Variants in ESYT3 observed in about 807,000 individuals in gnomAD.
ESYT3 encodes the protein extended synaptotagmin-3.
A neutral mutation model predicts 111.5 loss-of-function variants in ESYT3; 101 were observed. The ratio of observed to expected loss-of-function variants is 0.91; its 90% confidence interval spans 0.77 to 1.07. The LOEUF (loss-of-function observed/expected upper bound fraction) is 1.07. Among genes scored for constraint, ESYT3 ranks in the 50% least tolerant of loss-of-function variants. The pLI, the probability that ESYT3 is intolerant of heterozygous loss-of-function variation, is 0.00. For synonymous variants in ESYT3, 416 were observed against 446.8 expected, an observed-to-expected ratio of 0.93 and a Z score of 0.87; for missense variants, 1,097 against 1,109.4, an observed-to-expected ratio of 0.99 and a Z score of 0.16.
At chr3:138,453,892 G>T (rs1056700652) in intron 2 of ESYT3, among the ~76,000 whole-genome samples, 2 of 152,156 alleles carry the variant, frequency 1.3e-5, no homozygotes, top group African/African-American at 4.8e-5. Flanking sequence ...TTGCTTTGTT[G>T]CCCAAGCTGG....
chr3:138,472,540 G>T lies in ESYT3; in HGVS notation c.1918G>T (p.Val640Leu), dbSNP rs199942859. Residue 640 changes from valine (V) to leucine (L), a missense_variant, in exon 18 of 23, where the codon GTA becomes TTA. Coordinates refer to ENST00000389567, the MANE Select transcript of ESYT3 (RefSeq NM_031913.5). ...PPDPASDTKD[V>L]SRSTTTTTSA... The stretch of plus-strand genomic sequence containing the variant: ...AGACCCTGCTTCTGATACTAAGGAC[G>T]TATCCAGGAGTACCACAACCACCAC... 2.5e-6 allele frequency: 4 copies of T among 1,614,210 alleles called. No individual in the cohort carries two copies. Among genetic ancestry groups the T allele is most frequent in the Non-Finnish European group, 3.4e-6 (4 of 1,180,034 alleles).
At chr3:138,473,022 A>G in intron 18 of ESYT3, 163 bp downstream of exon 18, 4 of 1,466,290 alleles carry the variant, frequency 2.7e-6, no homozygotes, top group Non-Finnish European at 3.6e-6. Flanking sequence ...AGGACAAGGG[A>G]GAGAGAGCCA....
At position 138,472,748 on chromosome 3, in the gene ESYT3, G is replaced by T. The variant is rs773993312; in HGVS notation, c.2126G>T (p.Cys709Phe). 6 of 1,614,160 alleles carry T rather than the reference G, an allele frequency of 3.7e-6. No homozygotes were observed. Among genetic ancestry groups the T allele is most frequent in the East Asian group, 2.2e-5 (1 of 44,892 alleles). The stretch of plus-strand genomic sequence containing the variant: ...ATCAAGTCACCCAGACCCATGAAAT[G>T]CCCTGCCTCCCCATTCGCATGGCCG... ...GPIKSPRPMK[C>F]PASPFAWPPK... The change falls in exon 18 of 23, where the codon TGC becomes TTC. Residue 709 changes from cysteine to phenylalanine, a missense_variant. By Grantham distance (205) the Cys-to-Phe change is radical (BLOSUM62 -2). Coordinates refer to ENST00000389567, the MANE Select transcript of ESYT3 (RefSeq NM_031913.5).
intron 1 of ESYT3, among the ~76,000 whole-genome samples, chr3:138,437,414 G>A (rs1301255699): frequency 6.6e-6 from 1 of 152,220 alleles, no homozygotes; most frequent in African/African-American, 2.4e-5. Flanking sequence ...GGAGGACCAG[G>A]GCCTGGATAA....
intron 1 of ESYT3, among the ~76,000 whole-genome samples, chr3:138,450,933 A>T (rs2031882796): frequency 6.6e-6 from 1 of 152,012 alleles, no homozygotes; most frequent in Non-Finnish European, 1.5e-5. Flanking sequence ...AGCCAGCCTC[A>T]TGTTCAGGGG....
chr3:138,472,438 A>C lies in ESYT3; in HGVS notation c.1816A>C (p.Ile606Leu), dbSNP rs760315804. Residue 606 changes from isoleucine to leucine, a missense_variant, in exon 18 of 23, where the codon ATC becomes CTC. Transcript: ENST00000389567. ...AGCCCTAAAGAAAGGCCCTCTGCTC[A>C]TCAAGAAAGTGGCTACCAACCAGGG... ...PEALKKGPLLIKKVATNQGPK... is the reference protein window; with the variant it reads ...PEALKKGPLLLKKVATNQGPK... 7 of 1,614,230 alleles carry C rather than the reference A, an allele frequency of 4.3e-6. No individual in the cohort carries two copies. The Admixed American group carries it at 5.0e-5, about 12-fold the overall frequency.
chr3:138,448,130 G>T (rs2108599320), intron 1 of ESYT3, among the ~76,000 whole-genome samples: 1 of 151,926 alleles, frequency 6.6e-6, no homozygotes, highest in East Asian at 1.9e-4. Context: ...AGCCAGGCGT[G>T]GTGGCAGGTG....
intron 1 of ESYT3, among the ~76,000 whole-genome samples, chr3:138,448,319 C>G (rs1205542476): frequency 6.6e-6 from 1 of 150,772 alleles, no homozygotes; most frequent in African/African-American, 2.4e-5. Context: ...TCACCCTACC[C>G]CAGGTCATTT....
At chr3:138,455,006 A>T (rs1267112608) in intron 2 of ESYT3, among the ~76,000 whole-genome samples, 188 bp from the exon 3 acceptor site, 3 of 152,172 alleles carry the variant, frequency 2.0e-5, no homozygotes, top group Admixed American at 6.5e-5. Context: ...TGTAGTTATC[A>T]GATGTTTGAC....
chr3:138,458,105 G>C (rs533889053), intron 4 of ESYT3, among the ~76,000 whole-genome samples: 67 of 152,322 alleles, frequency 4.4e-4, no homozygotes, highest in African/African-American at 1.5e-3. Flanking sequence ...GAGTCAGGAA[G>C]GAGGGAGATT....
intron 22 of ESYT3, 96 bp downstream of exon 22, chr3:138,476,588 G>T: frequency 1.6e-6 from 2 of 1,270,942 alleles, no homozygotes; most frequent in Admixed American, 1.8e-5. Flanking sequence ...ATCAAGAAGG[G>T]AGGGAGATGA....
rs1163914128 is a variant in ESYT3, at chr3:138,435,490, C to T, written c.327+365C>T. ...TGGAATCAGAAGGCATTTCTTCCAC[C>T]CGCCTGTTGATTCAGAGAACGAACG... On this transcript the variant is annotated intron_variant, in intron 1 of 22. Transcript: ENST00000389567. This position sits in a 1 kb window ranked among gnomAD's most constrained non-coding sequence, Gnocchi z 4.8. 6.6e-6 allele frequency among the ~76,000 whole-genome samples: 1 copy of T among 152,230 alleles called. No homozygotes were observed. Among genetic ancestry groups the T allele is most frequent in the Non-Finnish European group, 1.5e-5 (1 of 68,044 alleles).
intron 1 of ESYT3, among the ~76,000 whole-genome samples, chr3:138,445,294 C>A (rs1348635237): frequency 6.6e-6 from 1 of 152,226 alleles, no homozygotes; most frequent in Non-Finnish European, 1.5e-5. Flanking sequence ...TATTTTTCAG[C>A]CTCTCTTTGT....
intron 1 of ESYT3, among the ~76,000 whole-genome samples, chr3:138,438,322 C>T (rs141019977): frequency 3.9e-5 from 6 of 152,330 alleles, no homozygotes; most frequent in Non-Finnish European, 5.9e-5. Flanking sequence ...AGCTCAAGGG[C>T]ACCACACTCA....
intron 1 of ESYT3, among the ~76,000 whole-genome samples, chr3:138,442,274 CA>C (rs1270262240): frequency 6.6e-6 from 1 of 152,110 alleles, no homozygotes; most frequent in Non-Finnish European, 1.5e-5. Context: ...TATATGAAAA[CA>C]GTTTCTTAAA....
At chr3:138,461,817 G>A (rs933776147) in intron 7 of ESYT3, among the ~76,000 whole-genome samples, 1 of 152,210 alleles carries the variant, frequency 6.6e-6, no homozygotes, top group African/African-American at 2.4e-5. Context: ...CTTAGCCACT[G>A]TGCTGTGTGA....
chr3:138,449,047 C>T (rs1204243235), intron 1 of ESYT3, among the ~76,000 whole-genome samples: 1 of 149,340 alleles, frequency 6.7e-6, no homozygotes, highest in African/African-American at 2.5e-5. Context: ...CATTGTGGGC[C>T]TTGGTCATTC....
intron 6 of ESYT3, among the ~76,000 whole-genome samples, 179 bp from the exon 7 acceptor site, chr3:138,460,432 T>TG (rs964657648): frequency 6.6e-6 from 1 of 152,142 alleles, no homozygotes; most frequent in Non-Finnish European, 1.5e-5. Flanking sequence ...TGAGCTGGGC[T>TG]GGGGGGTGGC....
At chr3:138,465,259 G>A (rs765278185) in intron 9 of ESYT3, 80 bp from the exon 10 acceptor site, 317 of 1,051,078 alleles carry the variant, frequency 3.0e-4, no homozygotes, top group Non-Finnish European at 4.2e-4. Context: ...CTAGCGTTCT[G>A]AGCCATGATT....
Sources: gnomAD v4.1 joint callset for allele counts (sites outside exome capture counted in the v4.1 genomes callset) on GRCh38, gnomAD v4.1.1 for gene constraint, Gnocchi (gnomAD v3.1) non-coding constraint, MANE v1.5 for transcripts, NCBI Gene and HGNC (gene_info 2026-07-23, HGNC 2026-07-21) for gene names.